ARHGAP15: variants seen among roughly 807,000 people sequenced by gnomAD.
ARHGAP15 encodes the protein Rho GTPase activating protein 15, also known as rho GTPase-activating protein 15.
A neutral mutation model predicts 63.7 loss-of-function variants in ARHGAP15; 51 were observed. The ratio of observed to expected loss-of-function variants is 0.80; its 90% CI spans 0.64 to 1.01. The LOEUF is 1.01. Ranked by LOEUF, ARHGAP15 falls within the 50% of genes least tolerant of loss-of-function variation. The pLI is 0.00. For synonymous variants in ARHGAP15, 191 were observed against 193.8 expected, an observed-to-expected ratio of 0.99 and a Z score of 0.12; for missense variants, 560 against 564.6, an observed-to-expected ratio of 0.99 and a Z score of 0.08.
chr2:143,153,164 G>A (rs1490064913), intron 1 of ARHGAP15, among the ~76,000 whole-genome samples: 1 of 151,836 alleles, frequency 6.6e-6, no homozygotes, highest in Non-Finnish European at 1.5e-5. Flanking sequence ...AATGGTGTAC[G>A]GTTGGGCTAT....
intron 6 of ARHGAP15, among the ~76,000 whole-genome samples, chr2:143,383,505 C>T (rs1041220861): frequency 6.6e-6 from 1 of 152,092 alleles, no homozygotes; most frequent in Non-Finnish European, 1.5e-5. Context: ...GAATCCAAAT[C>T]GTCTCTCTCG....
At chr2:143,601,181 A>C (rs1258809057) in intron 11 of ARHGAP15, among the ~76,000 whole-genome samples, 4 of 152,046 alleles carry the variant, frequency 2.6e-5, no homozygotes, top group Non-Finnish European at 5.9e-5. Context: ...CTCTCCAAAC[A>C]CTGTTCAATT....
At chr2:143,414,102 C>T (rs1688579152) in intron 6 of ARHGAP15, among the ~76,000 whole-genome samples, 1 of 150,230 alleles carries the variant, frequency 6.7e-6, no homozygotes, top group African/African-American at 2.4e-5. Flanking sequence ...ATTTAGGAAA[C>T]AAAAAATATA....
intron 12 of ARHGAP15, among the ~76,000 whole-genome samples, chr2:143,686,571 C>A (rs1683359872): frequency 6.6e-6 from 1 of 151,952 alleles, no homozygotes; most frequent in Non-Finnish European, 1.5e-5. Context: ...CTTTTTATAT[C>A]CCTTAAAAGT....
chr2:143,147,969 A>G (rs1438845612), intron 1 of ARHGAP15, among the ~76,000 whole-genome samples: 8 of 152,050 alleles, frequency 5.3e-5, no homozygotes, highest in African/African-American at 1.9e-4. Context: ...AGTATCTTAG[A>G]AAGGGGTTAT....
intron 6 of ARHGAP15, among the ~76,000 whole-genome samples, chr2:143,265,449 A>G (rs975323374): frequency 6.6e-6 from 1 of 152,164 alleles, no homozygotes; most frequent in African/African-American, 2.4e-5. Flanking sequence ...GAAAAGCTCA[A>G]AAATTACCTG....
At chr2:143,315,917 T>C (rs1334164002) in intron 6 of ARHGAP15, among the ~76,000 whole-genome samples, 3 of 152,028 alleles carry the variant, frequency 2.0e-5, no homozygotes, top group African/African-American at 7.2e-5. Context: ...AAACTGCGTC[T>C]GTACTAAAAA....
At chr2:143,225,115 AG>A (rs1693155343) in intron 4 of ARHGAP15, among the ~76,000 whole-genome samples, 1 of 152,202 alleles carries the variant, frequency 6.6e-6, no homozygotes, top group South Asian at 2.1e-4. Context: ...ATTTAATGCT[AG>A]ATTGTTACTG....
intron 12 of ARHGAP15, among the ~76,000 whole-genome samples, chr2:143,687,023 C>T (rs1418030730): frequency 6.6e-6 from 1 of 152,168 alleles, no homozygotes; most frequent in Non-Finnish European, 1.5e-5. Flanking sequence ...ACTGTCTGGA[C>T]TAGTTGATCG....
At chr2:143,519,579 A>C in intron 10 of ARHGAP15, 1 of 357,028 alleles carries the variant, frequency 2.8e-6, no homozygotes, top group Non-Finnish European at 5.2e-6. Flanking sequence ...TTTGTTTTTA[A>C]TATTTTGTCT....
chr2:143,136,230 A>G (rs1013242702), intron 1 of ARHGAP15, among the ~76,000 whole-genome samples: 2 of 152,154 alleles, frequency 1.3e-5, no homozygotes, highest in African/African-American at 2.4e-5. Flanking sequence ...TGTAAAATAT[A>G]AACTTACTTT....
chr2:143,264,348 G>GCCTTTTGCTTTAAGGCCTTTATTTTGCTT (rs1480505657), intron 6 of ARHGAP15, among the ~76,000 whole-genome samples: 16 of 152,076 alleles, frequency 1.1e-4, no homozygotes, highest in Non-Finnish European at 1.2e-4. Flanking sequence ...GCTGTGGAAG[G>GCCTTTTGCTTTAAGGCCTTTATTTTGCTT]TAAGGCCTTC....
chr2:143,758,154 T>C (rs1686642654), intron 13 of ARHGAP15, among the ~76,000 whole-genome samples: 1 of 152,022 alleles, frequency 6.6e-6, no homozygotes, highest in Non-Finnish European at 1.5e-5. Context: ...TATTTTTATA[T>C]GTACTGACTT....
rs115612587 is a variant in ARHGAP15 at position 143,185,642 on chromosome 2, A to G, written c.166-16492A>G. On this transcript the variant is annotated intron_variant, in intron 2 of 13. Coordinates refer to ENST00000295095, the MANE Select transcript of ARHGAP15 (RefSeq NM_018460.4). ...CGATAGATCCTTGTTTCATGGTTAG[A>G]ATGCACTTCACCTTCATCATGTACT... 3.4e-3 allele frequency among the ~76,000 whole-genome samples: 518 copies of G among 152,260 alleles called. 6 individuals carry two copies. The highest frequency in any genetic ancestry group is 0.012 in the African/African-American group (492 of 41,550).
chr2:143,414,846 T>C (rs1688608911), intron 6 of ARHGAP15, among the ~76,000 whole-genome samples: 2 of 152,102 alleles, frequency 1.3e-5, no homozygotes, highest in South Asian at 2.1e-4. Context: ...GCAGAACCGC[T>C]AGAACCTGGG....
chr2:143,485,833 A>G (rs1161459072), intron 8 of ARHGAP15, among the ~76,000 whole-genome samples: 1 of 152,242 alleles, frequency 6.6e-6, no homozygotes, highest in Non-Finnish European at 1.5e-5. Flanking sequence ...AAAGTATTAC[A>G]GATTTTCAGG....
chr2:143,634,486 T>C (rs1680206810), intron 12 of ARHGAP15, among the ~76,000 whole-genome samples: 1 of 152,174 alleles, frequency 6.6e-6, no homozygotes, highest in Non-Finnish European at 1.5e-5. Flanking sequence ...ATTTACAGAA[T>C]CCCTGGCACA....
At chr2:143,467,091 T>A (rs1156979454) in intron 8 of ARHGAP15, among the ~76,000 whole-genome samples, 6 of 152,020 alleles carry the variant, frequency 3.9e-5, no homozygotes, top group Non-Finnish European at 8.8e-5. Context: ...AGCCTGAAAA[T>A]ACCTACTCTT....
Position 143,624,476 on chromosome 2 carries a change from G to GA in ARHGAP15, c.1138+217dup, listed in dbSNP as rs972271142. Reference sequence around the variant, plus strand: ...CTGAGGTTTGTTTGTTTTTAATTAGGAAAAAAAATATGACATCCTATTTAG... The same window carrying GA: ...CTGAGGTTTGTTTGTTTTTAATTAGGAAAAAAAAATATGACATCCTATTTAG... On this transcript the variant is annotated intron_variant, in intron 12 of 13. Transcript: ENST00000295095. 4.6e-5 allele frequency among the ~76,000 whole-genome samples: 7 copies of GA among 151,346 alleles called. No homozygotes were observed. In the East Asian group the frequency reaches 5.8e-4, roughly 13 times the overall value.
Sources: allele counts gnomAD v4.1 joint callset (sites outside exome capture counted in the v4.1 genomes callset), GRCh38; gene constraint gnomAD v4.1.1; transcripts MANE v1.5; gene names NCBI Gene and HGNC (gene_info 2026-07-23, HGNC 2026-07-21).